Variants in KCNK2 observed in about 807,000 individuals in gnomAD.
The protein encoded by KCNK2 is potassium channel subfamily K member 2.
In KCNK2, 21 loss-of-function variants were observed where a neutral mutation model predicts 40.5. That is an observed-to-expected ratio of 0.52 (90% CI 0.37 to 0.75). The LOEUF (loss-of-function observed/expected upper bound fraction) is 0.75, where lower values mean the gene tolerates loss of function less well. Ranked by LOEUF, KCNK2 falls within the 30% of genes least tolerant of loss-of-function variation. KCNK2 has a pLI of 0.00. For missense variants in KCNK2, 399 were observed against 531.6 expected, an observed-to-expected ratio of 0.75 and a Z score of 2.45; for synonymous variants, 191 against 202.2, an observed-to-expected ratio of 0.94 and a Z score of 0.47.
At chr1:215,210,026 TTATATATAATATATATAA>T (rs1269182048) in intron 6 of KCNK2, among the ~76,000 whole-genome samples, 2 of 48,502 alleles carry the variant, frequency 4.1e-5, no homozygotes, top group African/African-American at 1.1e-4. Context: ...ATAATATATA[TTATATATAATATATATAA>T]TATATATATA....
chr1:215,063,744 A>G (rs1225282044), intron 1 of KCNK2, among the ~76,000 whole-genome samples: 1 of 152,196 alleles, frequency 6.6e-6, no homozygotes, highest in East Asian at 1.9e-4. Context: ...GAGAGGCATA[A>G]TACACGGTAC....
At chr1:215,030,541 CT>C (rs201006848) in intron 1 of KCNK2, among the ~76,000 whole-genome samples, 45 of 146,512 alleles carry the variant, frequency 3.1e-4, no homozygotes, top group Non-Finnish European at 3.8e-4. Flanking sequence ...TGTTACCTAT[CT>C]TTTTTTTTTT....
In KCNK2 at chr1:215,236,135, T is replaced by A. The variant is rs918245130; in HGVS notation, c.*990T>A. ...AGAAGAAAACTGTTAAAAATGGATA[T>A]TATTGGAGGGGATTTAAAACAGTGG... On this transcript the variant is annotated 3_prime_UTR_variant, in exon 7 of 7. Transcript: ENST00000444842. The A allele has an allele frequency of 2.6e-5, 4 of 152,016 alleles. No homozygotes were observed. Among genetic ancestry groups the A allele is most frequent in the African/African-American group, 9.7e-5 (4 of 41,306 alleles). The allele number at this position is 152,016 out of a possible 1,614,324, so 9.4% of individuals were successfully genotyped here.
At chr1:215,171,935 TCTCTCTC>T (rs1663728815) in intron 4 of KCNK2, 55 bp from the exon 5 acceptor site, 15 of 1,119,286 alleles carry the variant, frequency 1.3e-5, no homozygotes, top group Non-Finnish European at 1.9e-5. Flanking sequence ...TCTCTCTCTC[TCTCTCTC>T]CCCCCATTTA....
chr1:215,123,296 T>C (rs987132302), intron 2 of KCNK2, among the ~76,000 whole-genome samples: 2 of 151,990 alleles, frequency 1.3e-5, no homozygotes, highest in African/African-American at 4.8e-5. Context: ...AAAGAGGATA[T>C]AAAACTACCA....
intron 2 of KCNK2, among the ~76,000 whole-genome samples, chr1:215,099,407 T>C (rs1390623445): frequency 6.6e-6 from 1 of 151,988 alleles, no homozygotes; most frequent in East Asian, 1.9e-4. Context: ...AGGATTCTTT[T>C]GGATTTATTA....
At chr1:215,163,219 GCTCT>G (rs1289587848) in intron 3 of KCNK2, among the ~76,000 whole-genome samples, 4 of 151,940 alleles carry the variant, frequency 2.6e-5, no homozygotes, top group Non-Finnish European at 4.4e-5. Context: ...TCATGATTTG[GCTCT>G]CTGTCTATTA....
intron 1 of KCNK2, among the ~76,000 whole-genome samples, chr1:215,020,769 T>G (rs936475502): frequency 9.2e-5 from 14 of 152,142 alleles, no homozygotes; most frequent in African/African-American, 3.4e-4. Flanking sequence ...GTGTAACAAG[T>G]GAAAAATGAT....
intron 3 of KCNK2, among the ~76,000 whole-genome samples, chr1:215,152,334 C>G (rs558392373): frequency 6.6e-6 from 1 of 152,096 alleles, no homozygotes; most frequent in Non-Finnish European, 1.5e-5. Context: ...TAGAGAAATG[C>G]AAAAACAGTT....
At chr1:215,156,804 T>G (rs1453150039) in intron 3 of KCNK2, among the ~76,000 whole-genome samples, 1 of 152,012 alleles carries the variant, frequency 6.6e-6, no homozygotes. Context: ...GCAACACACT[T>G]TTAAACCATC....
At chr1:215,006,997 CTATATATATATATATATATATATATATA>C (rs199497700) in intron 1 of KCNK2, among the ~76,000 whole-genome samples, 4 of 81,698 alleles carry the variant, frequency 4.9e-5, no homozygotes, top group African/African-American at 2.0e-4. Context: ...GACCAATTCA[CTATATATATATATATATATATATATATA>C]TATATATATA....
At chr1:215,199,369 T>G (rs1664992441) in intron 6 of KCNK2, among the ~76,000 whole-genome samples, 1 of 152,232 alleles carries the variant, frequency 6.6e-6, no homozygotes, top group Admixed American at 6.5e-5. Flanking sequence ...AGAATAGTTT[T>G]AATGAAATTA....
chr1:215,086,312 C>T (rs181156142), intron 1 of KCNK2, 56 bp from the exon 2 acceptor site: 11 of 1,418,848 alleles, frequency 7.8e-6, no homozygotes, highest in African/African-American at 4.2e-5. Flanking sequence ...AGAAGAAGCC[C>T]GACCAATTCC....
intron 1 of KCNK2, among the ~76,000 whole-genome samples, chr1:215,057,740 G>C (rs1394366298): frequency 6.6e-6 from 1 of 152,134 alleles, no homozygotes; most frequent in Admixed American, 6.5e-5. Context: ...CAGCAGTGGA[G>C]GATAGGATGA....
At chr1:215,047,432 A>C (rs1657815431) in intron 1 of KCNK2, among the ~76,000 whole-genome samples, 1 of 152,120 alleles carries the variant, frequency 6.6e-6, no homozygotes, top group African/African-American at 2.4e-5. Context: ...TGAAGTTTCG[A>C]GAGATTAAGT....
chr1:215,156,033 A>G (rs1432496705), intron 3 of KCNK2, among the ~76,000 whole-genome samples: 4 of 150,516 alleles, frequency 2.7e-5, no homozygotes, highest in East Asian at 3.9e-4. Flanking sequence ...GTGTGTGTGT[A>G]TATATTTGTA....
chr1:215,042,478 CAAAG>C (rs941896226), intron 1 of KCNK2, among the ~76,000 whole-genome samples: 6 of 152,060 alleles, frequency 3.9e-5, no homozygotes, highest in South Asian at 2.1e-4. Flanking sequence ...TTTGTGGAAA[CAAAG>C]AACATATTCT....
chr1:215,107,969 A>G (rs760437379), intron 2 of KCNK2, among the ~76,000 whole-genome samples: 1 of 152,176 alleles, frequency 6.6e-6, no homozygotes, highest in African/African-American at 2.4e-5. Flanking sequence ...TTCATGGAAG[A>G]CAATTTTTCC....
chr1:215,086,418 C>T lies in KCNK2; in HGVS notation c.97C>T (p.Pro33Ser). 6.2e-7 allele frequency: 1 copy of T among 1,614,158 alleles called. No homozygotes were observed. The highest frequency in any genetic ancestry group is 1.3e-5 in the African/African-American group (1 of 75,046). Reference protein sequence around the residue: ...DPKSAAQNSKPRLSFSTKPTV... With the variant: ...DPKSAAQNSKSRLSFSTKPTV... ...TAAATCTGCCGCTCAGAACTCCAAA[C>T]CGAGGCTCTCGTTTTCCACGAAACC... The change falls in exon 2 of 7, where the codon CCG becomes TCG. Residue 33 changes from proline (P) to serine (S), a missense_variant. Physicochemically the swap from Pro to Ser is moderately conservative, Grantham distance 74 (BLOSUM62 -1). Coordinates refer to ENST00000444842, the MANE Select transcript of KCNK2 (RefSeq NM_001017425.3).
Sources: gnomAD v4.1 joint callset for allele counts (sites outside exome capture counted in the v4.1 genomes callset) on GRCh38, gnomAD v4.1.1 for gene constraint, MANE v1.5 for transcripts, NCBI Gene and HGNC (gene_info 2026-07-23, HGNC 2026-07-21) for gene names.